Variants in ZFYVE16 observed in about 807,000 individuals in gnomAD.
ZFYVE16 encodes zinc finger FYVE-type containing 16, also known as zinc finger FYVE domain-containing protein 16.
Under a neutral mutation model 138.1 loss-of-function variants are expected in ZFYVE16, and 89 were observed. That is an observed-to-expected ratio of 0.64 (90% CI 0.54 to 0.77). The LOEUF (loss-of-function observed/expected upper bound fraction) is 0.77. Ranked by LOEUF, ZFYVE16 falls within the 30% of genes least tolerant of loss-of-function variation. The pLI is 0.00. For synonymous variants in ZFYVE16, 596 were observed against 618.3 expected (o/e 0.96, Z 0.53); for missense variants, 1,793 against 1,786.7 (o/e 1.00, Z -0.06).
chr5:80,467,139 T>A (rs1053167786), intron 15 of ZFYVE16, among the ~76,000 whole-genome samples: 12 of 152,164 alleles, frequency 7.9e-5, no homozygotes, highest in African/African-American at 2.9e-4. Context: ...TCAGGGAGTG[T>A]TTGTCGAAAT....
At chr5:80,450,633 T>C (rs1390989140) in intron 10 of ZFYVE16, 47 bp downstream of exon 10, 1 of 1,567,028 alleles carries the variant, frequency 6.4e-7, no homozygotes, top group Non-Finnish European at 8.7e-7. Flanking sequence ...ATGGATAAAT[T>C]AGTTAAAGGC....
At chr5:80,440,308 C>G in intron 5 of ZFYVE16, 1 of 1,068,096 alleles carries the variant, frequency 9.4e-7, no homozygotes. Flanking sequence ...TTTCATCTGC[C>G]TATTTGTTTT....
At chr5:80,417,343 G>T (rs920708835) in intron 1 of ZFYVE16, among the ~76,000 whole-genome samples, 11 of 152,250 alleles carry the variant, frequency 7.2e-5, no homozygotes, top group African/African-American at 2.6e-4. Flanking sequence ...CAGTCTGCAT[G>T]CCAATCTAGG....
chr5:80,456,842 A>C, intron 13 of ZFYVE16, 103 bp from the exon 14 acceptor site: 1 of 1,345,742 alleles, frequency 7.4e-7, no homozygotes, highest in Admixed American at 3.0e-5. Context: ...GTCCAGACCG[A>C]AGCTTGATAA....
At chr5:80,476,552 C>T (rs938063235) in intron 18 of ZFYVE16, among the ~76,000 whole-genome samples, 6 of 152,174 alleles carry the variant, frequency 3.9e-5, no homozygotes, top group Admixed American at 2.6e-4. Flanking sequence ...ACTGAAAGTT[C>T]TCTTTCTGAC....
chr5:80,450,914 C>T (rs1193410301), intron 10 of ZFYVE16, among the ~76,000 whole-genome samples: 2 of 149,260 alleles, frequency 1.3e-5, no homozygotes, highest in African/African-American at 2.5e-5. Flanking sequence ...CGGGTTCAAG[C>T]GATTCTTCTG....
chr5:80,442,530 A>G (rs1219883945), intron 5 of ZFYVE16, among the ~76,000 whole-genome samples: 2 of 152,194 alleles, frequency 1.3e-5, no homozygotes, highest in East Asian at 1.9e-4. Context: ...TTCTAGGCCA[A>G]GGGAATAATA....
intron 2 of ZFYVE16, among the ~76,000 whole-genome samples, chr5:80,431,960 C>G (rs1749096402): frequency 6.6e-6 from 1 of 152,164 alleles, no homozygotes; most frequent in South Asian, 2.1e-4. Flanking sequence ...GAAGAACATT[C>G]CATGCTCATG....
At chr5:80,411,328 T>G (rs967486993) in intron 1 of ZFYVE16, among the ~76,000 whole-genome samples, 1 of 152,084 alleles carries the variant, frequency 6.6e-6, no homozygotes, top group Non-Finnish European at 1.5e-5. Flanking sequence ...AGACATATCA[T>G]GTAGCTCTGA....
In ZFYVE16 at chr5:80,437,938, A is replaced by G. The variant is rs1190899328; in HGVS notation, c.1253A>G (p.Gln418Arg). 1 of 1,614,102 alleles carries G rather than the reference A, an allele frequency of 6.2e-7. No homozygotes were observed. Among genetic ancestry groups the G allele is most frequent in the Admixed American group, 1.7e-5 (1 of 60,010 alleles). ...GCAGTGACTATACATGAAGAAATAC[A>G]GAACAGTGTTGTTCTAGGTGGGGAA... Reference protein sequence around the residue: ...QDAVTIHEEIQNSVVLGGEPF... With the variant: ...QDAVTIHEEIRNSVVLGGEPF... The change falls in exon 4 of 19, where the codon CAG becomes CGG. Residue 418 changes from glutamine to arginine, a missense_variant. Transcript: ENST00000505560.
At chr5:80,440,096 T>C in intron 5 of ZFYVE16, 64 bp downstream of exon 5, 2 of 1,516,146 alleles carry the variant, frequency 1.3e-6, no homozygotes, top group East Asian at 4.8e-5. Flanking sequence ...AATTGGATTG[T>C]GACAAAGATA....
intron 15 of ZFYVE16, among the ~76,000 whole-genome samples, chr5:80,460,895 C>CATGAAAT (rs1753032867): frequency 6.6e-6 from 1 of 152,120 alleles, no homozygotes; most frequent in Non-Finnish European, 1.5e-5. Flanking sequence ...AAATCATCAC[C>CATGAAAT]CACCTTTGAC....
In ZFYVE16 at chr5:80,480,311, A is replaced by G. The variant is rs1015786313; in HGVS notation, c.*2934A>G. Among the ~76,000 whole-genome samples, 2 of 152,236 alleles carry G rather than the reference A, an allele frequency of 1.3e-5. No individual in the cohort carries two copies. Among genetic ancestry groups the G allele is most frequent in the African/African-American group, 4.8e-5 (2 of 41,462 alleles). ...ATATAAACATTACAAGAATATACAT[A>G]AAAACTGCACTTTAAAACTCAGTAA... On this transcript the variant is annotated 3_prime_UTR_variant, in exon 19 of 19. Coordinates refer to ENST00000505560, the MANE Select transcript of ZFYVE16 (RefSeq NM_001284236.3).
intron 11 of ZFYVE16, among the ~76,000 whole-genome samples, chr5:80,453,658 C>G (rs780730653): frequency 1.3e-5 from 2 of 152,168 alleles, no homozygotes; most frequent in Non-Finnish European, 2.9e-5. Context: ...TTTACATAGA[C>G]TGGCACTTTG....
intron 15 of ZFYVE16, among the ~76,000 whole-genome samples, chr5:80,468,703 C>T (rs1748188518): frequency 6.6e-6 from 1 of 152,014 alleles, no homozygotes; most frequent in South Asian, 2.1e-4. Flanking sequence ...TAAATGGTAT[C>T]TTATTAAATT....
Position 80,480,160 on chromosome 5 carries a change from C to A in ZFYVE16, c.*2783C>A, listed in dbSNP as rs544639427. On this transcript the variant is annotated 3_prime_UTR_variant, in exon 19 of 19. Transcript: ENST00000505560. Reference sequence around the variant, plus strand: ...CAAGAATTACTTGAAGCAATGAAAACAAACTCACAGATATAGGTATTAGAT... The same window carrying A: ...CAAGAATTACTTGAAGCAATGAAAAAAAACTCACAGATATAGGTATTAGAT... 1.3e-5 allele frequency among the ~76,000 whole-genome samples: 2 copies of A among 151,194 alleles called. No homozygotes were observed. The highest frequency in any genetic ancestry group is 4.1e-4 in the South Asian group (2 of 4,820).
chr5:80,458,316 C>T (rs1385576959), intron 14 of ZFYVE16, among the ~76,000 whole-genome samples: 1 of 151,966 alleles, frequency 6.6e-6, no homozygotes, highest in Non-Finnish European at 1.5e-5. Context: ...CCTTTCCTCC[C>T]TTGACCACCC....
At chr5:80,468,861 G>T (rs1754000807) in intron 15 of ZFYVE16, among the ~76,000 whole-genome samples, 1 of 151,796 alleles carries the variant, frequency 6.6e-6, no homozygotes, top group Non-Finnish European at 1.5e-5. Context: ...GTGTAATTTT[G>T]CTTTTTTCTT....
rs181744911 is a variant in ZFYVE16, at chr5:80,437,749, A to G, written c.1064A>G (p.Asp355Gly). The change falls in exon 4 of 19, where the codon GAT (aspartate) becomes GGT (glycine). Residue 355 changes from aspartate to glycine, a missense_variant. Physicochemically the swap from Asp to Gly is moderately conservative, Grantham distance 94. Coordinates refer to ENST00000505560, the MANE Select transcript of ZFYVE16 (RefSeq NM_001284236.3). ...DSKSLDLKDN[D>G]VIQDSSSALH... ...AAAAGTTTAGACCTTAAGGATAATG[A>G]TGTAATCCAAGATTCCTCTTCAGCT... 2 of 1,614,166 alleles carry G rather than the reference A, an allele frequency of 1.2e-6. No individual in the cohort carries two copies. The highest frequency in any genetic ancestry group is 2.2e-5 in the South Asian group (2 of 91,084).
Sources: gnomAD v4.1 joint callset for allele counts (sites outside exome capture counted in the v4.1 genomes callset) on GRCh38, gnomAD v4.1.1 for gene constraint, MANE v1.5 for transcripts, NCBI Gene and HGNC (gene_info 2026-07-23, HGNC 2026-07-21) for gene names.